The following CPT1A variants were observed in gnomAD, a reference collection of about 807,000 sequenced individuals.
CPT1A encodes carnitine O-palmitoyltransferase 1, liver isoform.
Under a neutral mutation model 100.8 loss-of-function variants are expected in CPT1A, and 64 were observed. The observed-to-expected ratio is 0.63, with a 90% confidence interval of 0.52 to 0.78. CPT1A has a LOEUF of 0.78. Among genes scored for constraint, CPT1A ranks in the 30% least tolerant of loss-of-function variants. The probability of loss-of-function intolerance (pLI) is 0.00; values close to 1 mark genes in which losing one functional copy is unlikely to be tolerated. For synonymous variants in CPT1A, 363 were observed against 396.0 expected (o/e 0.92, Z 0.99); for missense variants, 802 against 1,034.1 (o/e 0.78, Z 3.08).
At chr11:68,785,892 C>T in intron 9 of CPT1A, 1 of 605,088 alleles carries the variant, frequency 1.7e-6, no homozygotes, top group Non-Finnish European at 3.0e-6. Flanking sequence ...GTAAAAACTA[C>T]TAAAACAGAG....
At position 68,796,951 on chromosome 11, in the gene CPT1A, C is replaced by T; in HGVS notation, c.694-18G>A. On this transcript the variant is annotated intron_variant, in intron 6 of 18. Coordinates refer to ENST00000265641, the MANE Select transcript of CPT1A (RefSeq NM_001876.4). ...TCGCTCACCTAGTGGGCGCAAACACCAGACAAACCCGCAGGCTCAGCAGGG... is the reference window on the plus strand; with the variant it reads ...TCGCTCACCTAGTGGGCGCAAACACTAGACAAACCCGCAGGCTCAGCAGGG... 1 of 1,613,266 alleles carries T rather than the reference C, an allele frequency of 6.2e-7. No homozygotes were observed. Among genetic ancestry groups the T allele is most frequent in the South Asian group, 1.1e-5 (1 of 90,972 alleles).
At chr11:68,778,615 G>C (rs886169808) in intron 12 of CPT1A, among the ~76,000 whole-genome samples, 2 of 151,536 alleles carry the variant, frequency 1.3e-5, no homozygotes, top group African/African-American at 4.8e-5. Context: ...AGAATCACTT[G>C]AACCGGGGAG....
chr11:68,754,784 T>C, downstream of CPT1A: 1 of 780,966 alleles, frequency 1.3e-6, no homozygotes, highest in East Asian at 2.4e-5. Flanking sequence ...TCCAAGGCCT[T>C]GTTTCCATAT....
At chr11:68,788,020 G>C (rs1181241783) in intron 9 of CPT1A, among the ~76,000 whole-genome samples, 1 of 151,914 alleles carries the variant, frequency 6.6e-6, no homozygotes, top group Non-Finnish European at 1.5e-5. Flanking sequence ...GGAAGAGATG[G>C]TTATCCAAGG....
At chr11:68,792,934 G>A (rs1855657301) in intron 9 of CPT1A, among the ~76,000 whole-genome samples, 1 of 152,202 alleles carries the variant, frequency 6.6e-6, no homozygotes, top group Non-Finnish European at 1.5e-5. Context: ...TGTGGTCTCA[G>A]CTACTGGGGA....
intron 1 of CPT1A, among the ~76,000 whole-genome samples, chr11:68,820,434 G>A (rs1180307393): frequency 6.6e-6 from 1 of 152,022 alleles, no homozygotes; most frequent in East Asian, 2.0e-4. Context: ...TGTAATCCCA[G>A]CACTTTGGGA....
At chr11:68,807,412 C>T in intron 4 of CPT1A, 55 bp downstream of exon 4, 1 of 1,569,600 alleles carries the variant, frequency 6.4e-7, no homozygotes, top group Non-Finnish European at 8.7e-7. Context: ...GGGTGTCCTT[C>T]TTCCCAAAGC....
intron 1 of CPT1A, among the ~76,000 whole-genome samples, chr11:68,838,567 C>CTT (rs139306877): frequency 3.3e-3 from 10 of 3,036 alleles, no homozygotes; most frequent in African/African-American, 4.1e-3. Context: ...GTATCTGCAC[C>CTT]TTTTTAAAAA....
At chr11:68,811,456 G>A (rs1362593408) in intron 3 of CPT1A, among the ~76,000 whole-genome samples, 1 of 152,154 alleles carries the variant, frequency 6.6e-6, no homozygotes, top group Non-Finnish European at 1.5e-5. Flanking sequence ...CGAGGAAGCT[G>A]AGTTGCCCTG....
At chr11:68,839,452 C>G in intron 1 of CPT1A, 1 of 954,700 alleles carries the variant, frequency 1.0e-6, no homozygotes, top group Non-Finnish European at 1.2e-6. Flanking sequence ...CCCAGGCGCT[C>G]GGATCCTGTT....
chr11:68,794,781 T>A, intron 8 of CPT1A, 23 bp downstream of exon 8: 1 of 1,579,032 alleles, frequency 6.3e-7, no homozygotes, highest in Non-Finnish European at 8.7e-7. Flanking sequence ...AAATAATTTT[T>A]TTAAAGCAAT....
At chr11:68,773,207 G>A (rs1215825435) in intron 14 of CPT1A, 58 bp downstream of exon 14, 4 of 1,608,988 alleles carry the variant, frequency 2.5e-6, no homozygotes, top group South Asian at 2.2e-5. Context: ...AACAGTCTTG[G>A]GCAGGTGTAG....
At chr11:68,791,999 G>A (rs1260691328) in intron 9 of CPT1A, among the ~76,000 whole-genome samples, 3 of 151,992 alleles carry the variant, frequency 2.0e-5, no homozygotes, top group African/African-American at 7.3e-5. Context: ...CTGGAATATT[G>A]ACTAGGGCTT....
intron 12 of CPT1A, among the ~76,000 whole-genome samples, chr11:68,775,639 C>T (rs777666567): frequency 6.6e-5 from 10 of 152,198 alleles, no homozygotes; most frequent in Non-Finnish European, 7.3e-5. Flanking sequence ...GGGCTAAGGG[C>T]TTGCTCAAGT....
In CPT1A at chr11:68,799,397, A is replaced by T. The variant is rs370806296; in HGVS notation, c.556-42T>A. 3 of 1,606,124 alleles carry T rather than the reference A, an allele frequency of 1.9e-6. No homozygotes were observed. In the African/African-American group the frequency reaches 4.0e-5, roughly 21 times the overall value. On this transcript the variant is annotated intron_variant, in intron 5 of 18. Coordinates refer to ENST00000265641, the MANE Select transcript of CPT1A (RefSeq NM_001876.4). ...AAAAAAAAATCACCCAAGTTAAAACATATTAATCAAAGCCTATGTTTGCCT... is the reference window on the plus strand; with the variant it reads ...AAAAAAAAATCACCCAAGTTAAAACTTATTAATCAAAGCCTATGTTTGCCT...
Position 68,754,885 on chromosome 11 carries a change from G to T in CPT1A, c.*2759C>A. Reference sequence around the variant, plus strand: ...AACAAAAGAGACAGAAACAAATCTTGTAGTAGACTGGGGTTAATGTTTTAT... The same window carrying T: ...AACAAAAGAGACAGAAACAAATCTTTTAGTAGACTGGGGTTAATGTTTTAT... On this transcript the variant is annotated 3_prime_UTR_variant, in exon 19 of 19. Coordinates refer to ENST00000265641, the MANE Select transcript of CPT1A (RefSeq NM_001876.4). The T allele has an allele frequency of 1.3e-6, 1 of 779,902 alleles. No homozygotes were observed. Among genetic ancestry groups the T allele is most frequent in the Non-Finnish European group, 2.4e-6 (1 of 417,426 alleles). The allele number at this position is 779,902 out of a possible 1,614,324, so 48.3% of individuals were successfully genotyped here.
intron 1 of CPT1A, among the ~76,000 whole-genome samples, chr11:68,818,383 G>A (rs1249791231): frequency 6.6e-6 from 1 of 152,184 alleles, no homozygotes; most frequent in Non-Finnish European, 1.5e-5. Flanking sequence ...AATGTCACCA[G>A]GACATCCGGG....
chr11:68,814,852 A>C (rs187504946), intron 2 of CPT1A, among the ~76,000 whole-genome samples: 1 of 151,578 alleles, frequency 6.6e-6, no homozygotes, highest in Non-Finnish European at 1.5e-5. Context: ...ATACCTGCCT[A>C]ATTTTTCTAT....
At chr11:68,817,755 G>C (rs1330699215) in intron 1 of CPT1A, among the ~76,000 whole-genome samples, 2 of 148,030 alleles carry the variant, frequency 1.4e-5, no homozygotes, top group African/African-American at 5.0e-5. Flanking sequence ...GCTGTTGGGG[G>C]GGGGTCAGTG....
Sources: gnomAD v4.1 joint callset for allele counts (sites outside exome capture counted in the v4.1 genomes callset) on GRCh38, gnomAD v4.1.1 for gene constraint, MANE v1.5 for transcripts, NCBI Gene and HGNC (gene_info 2026-07-23, HGNC 2026-07-21) for gene names.